Variants in CSMD1 observed in about 807,000 individuals in gnomAD.
The protein encoded by CSMD1 is CUB and sushi domain-containing protein 1.
A neutral mutation model predicts 417.5 loss-of-function variants in CSMD1; 213 were observed. That is an observed-to-expected ratio of 0.51 (90% CI 0.46 to 0.57). The LOEUF is 0.57. CSMD1 is among the 20% of genes least tolerant of loss of function. The pLI, the probability that CSMD1 is intolerant of heterozygous loss-of-function variation, is 0.00. For synonymous variants in CSMD1, 2,862 were observed against 1,736.8 expected (o/e 1.65, Z -16.11); for missense variants, 6,923 against 4,529.7 (o/e 1.53, Z -15.17).
intron 2 of CSMD1, among the ~76,000 whole-genome samples, chr8:4,461,274 T>C (rs902171048): frequency 1.3e-5 from 2 of 152,060 alleles, no homozygotes; most frequent in Non-Finnish European, 2.9e-5. Context: ...ACAGTTAACA[T>C]TGTATTTAAT....
chr8:4,056,204 C>G (rs1798682072), intron 3 of CSMD1, among the ~76,000 whole-genome samples: 1 of 151,224 alleles, frequency 6.6e-6, no homozygotes, highest in South Asian at 2.1e-4. Flanking sequence ...GCCTCAGCCT[C>G]CCGAGTAGCT....
chr8:3,715,039 G>C (rs1801746879), intron 6 of CSMD1, among the ~76,000 whole-genome samples: 2 of 152,168 alleles, frequency 1.3e-5, no homozygotes, highest in Non-Finnish European at 2.9e-5. Context: ...TTCATTAATA[G>C]ACACAATTAC....
At chr8:4,865,983 A>T (rs1197965523) in intron 1 of CSMD1, among the ~76,000 whole-genome samples, 1 of 151,948 alleles carries the variant, frequency 6.6e-6, no homozygotes, top group Non-Finnish European at 1.5e-5. Flanking sequence ...AGTCCTTGAG[A>T]TGTAACTTAA....
intron 8 of CSMD1, among the ~76,000 whole-genome samples, chr8:3,607,829 T>C (rs1801694595): frequency 1.3e-5 from 2 of 152,102 alleles, no homozygotes. Flanking sequence ...TGGCTGGTGT[T>C]GGTGTGGCAG....
intron 2 of CSMD1, among the ~76,000 whole-genome samples, chr8:4,436,860 G>A (rs78664143): frequency 0.029 from 4,344 of 152,130 alleles, 223 homozygotes; most frequent in African/African-American, 0.098. Flanking sequence ...CATCCTTTTT[G>A]TGGCTGAAGA....
In CSMD1 at chr8:4,760,846, C is replaced by A. The variant is rs192504977; in HGVS notation, c.86-123288G>T. Among the ~76,000 whole-genome samples the A allele has an allele frequency of 1.1e-3, 167 of 152,280 alleles. 1 individual carries two copies. Among genetic ancestry groups the A allele is most frequent in the East Asian group, 7.7e-3 (40 of 5,172 alleles). On this transcript the variant is annotated intron_variant, in intron 1 of 69. Coordinates refer to ENST00000635120, the MANE Select transcript of CSMD1 (RefSeq NM_033225.6). ...TAGGAAGGAATTCCCATAGAATAAT[C>A]ATAATGCCTGTAATATACAACTCAT...
chr8:3,357,670 G>T (rs976179509), intron 21 of CSMD1, among the ~76,000 whole-genome samples: 12 of 152,122 alleles, frequency 7.9e-5, no homozygotes, highest in African/African-American at 2.7e-4. Context: ...TGATTTCATT[G>T]AGTTGGGGGT....
At chr8:3,947,857 C>G (rs1362849184) in intron 5 of CSMD1, among the ~76,000 whole-genome samples, 2 of 152,100 alleles carry the variant, frequency 1.3e-5, no homozygotes, top group African/African-American at 4.8e-5. Flanking sequence ...ACAAAACCTC[C>G]ACAGCCTTTT....
intron 8 of CSMD1, among the ~76,000 whole-genome samples, chr8:3,593,129 G>A (rs1051441581): frequency 1.3e-5 from 2 of 152,228 alleles, no homozygotes; most frequent in African/African-American, 4.8e-5. Flanking sequence ...ACTTGTCACT[G>A]GAGCTGTGGT....
intron 4 of CSMD1, among the ~76,000 whole-genome samples, chr8:4,023,015 G>C (rs965956004): frequency 2.0e-5 from 3 of 152,182 alleles, no homozygotes; most frequent in Non-Finnish European, 4.4e-5. Context: ...CCAAATCCGT[G>C]TTTTTCTTCT....
chr8:3,601,104 G>A (rs139283573), intron 8 of CSMD1, among the ~76,000 whole-genome samples: 40 of 152,282 alleles, frequency 2.6e-4, no homozygotes, highest in African/African-American at 8.2e-4. Context: ...AAACCTCCAT[G>A]ACTCCTGTAT....
At chr8:4,545,384 A>G (rs1307627413) in intron 2 of CSMD1, among the ~76,000 whole-genome samples, 1 of 152,242 alleles carries the variant, frequency 6.6e-6, no homozygotes, top group Non-Finnish European at 1.5e-5. Context: ...TGGAGTTTTC[A>G]ATCAATGAAC....
At chr8:3,403,533 G>T (rs1563351832) in intron 15 of CSMD1, among the ~76,000 whole-genome samples, 1 of 152,104 alleles carries the variant, frequency 6.6e-6, no homozygotes, top group Non-Finnish European at 1.5e-5. Context: ...CTATAGCTGG[G>T]TTTTGCCTTT....
intron 3 of CSMD1, among the ~76,000 whole-genome samples, chr8:4,230,870 C>T (rs754899428): frequency 2.4e-4 from 36 of 152,170 alleles, no homozygotes; most frequent in Admixed American, 5.9e-4. Flanking sequence ...GATTCTTTAA[C>T]GGCACTAACT....
At chr8:3,286,174 G>T (rs1369425900) in intron 25 of CSMD1, among the ~76,000 whole-genome samples, 1 of 152,144 alleles carries the variant, frequency 6.6e-6, no homozygotes, top group Non-Finnish European at 1.5e-5. Flanking sequence ...CTTTATGGCT[G>T]CATAGCATTC....
At chr8:4,367,423 T>C (rs1402119221) in intron 3 of CSMD1, among the ~76,000 whole-genome samples, 1 of 152,204 alleles carries the variant, frequency 6.6e-6, no homozygotes, top group African/African-American at 2.4e-5. Flanking sequence ...TCTATGTGTC[T>C]ATTTCTGTAC....
chr8:4,687,254 G>A (rs573865573), intron 1 of CSMD1, among the ~76,000 whole-genome samples: 172 of 152,310 alleles, frequency 1.1e-3, no homozygotes, highest in Non-Finnish European at 9.1e-4. Context: ...CAGGATGCTG[G>A]CACTATCAGA....
At chr8:3,260,169 A>G (rs556483987) in intron 26 of CSMD1, among the ~76,000 whole-genome samples, 7 of 152,172 alleles carry the variant, frequency 4.6e-5, no homozygotes, top group African/African-American at 1.7e-4. Context: ...GAGTTAAGCA[A>G]ATTGAAAAAG....
intron 23 of CSMD1, among the ~76,000 whole-genome samples, chr8:3,317,773 A>C (rs142319924): frequency 1.1e-3 from 160 of 152,242 alleles, no homozygotes; most frequent in African/African-American, 3.7e-3. Context: ...TGTTTAGTAA[A>C]ATTTCATGTA....
Sources: allele counts gnomAD v4.1 joint callset (sites outside exome capture counted in the v4.1 genomes callset), GRCh38; gene constraint gnomAD v4.1.1; transcripts MANE v1.5; gene names NCBI Gene and HGNC (gene_info 2026-07-23, HGNC 2026-07-21).